KDM3A: variants seen among roughly 807,000 people sequenced by gnomAD.
The protein encoded by KDM3A is lysine demethylase 3A.
KDM3A carries 60 observed loss-of-function variants against 158.0 expected under a neutral mutation model. The observed-to-expected ratio is 0.38, with a 90% CI of 0.31 to 0.47. The LOEUF (loss-of-function observed/expected upper bound fraction) is 0.47, where lower values mean the gene tolerates loss of function less well. KDM3A is among the 20% of genes least tolerant of loss of function. KDM3A has a pLI of 0.99. For missense variants in KDM3A, 1,319 were observed against 1,574.3 expected, an observed-to-expected ratio of 0.84 and a Z score of 2.74; for synonymous variants, 608 against 549.3, an observed-to-expected ratio of 1.11 and a Z score of -1.49.
chr2:86,439,110 G>T (rs12714184), upstream of KDM3A, among the ~76,000 whole-genome samples: 60,415 of 151,772 alleles, frequency 0.4, 13,892 homozygotes, highest in East Asian at 0.81. Context: ...AAAATTATGG[G>T]TGGTATTGAA....
rs767686779 is a variant in KDM3A, at chr2:86,464,044, A to T, written c.844-9A>T. ...TCCTTTTAATATCTGTTGGTTTGGT[A>T]TCTTCTAGGCCTCTCCCAGTATGTG... On this transcript the variant is annotated splice_polypyrimidine_tract_variant and intron_variant, in intron 8 of 25. Transcript: ENST00000312912. 1 of 1,508,876 alleles carries T rather than the reference A, an allele frequency of 6.6e-7. No homozygotes were observed. The highest frequency in any genetic ancestry group is 2.1e-5 in the Admixed American group (1 of 47,294). 93.5% of individuals were successfully genotyped at this position (1,508,876 alleles called of 1,614,324 possible).
At chr2:86,440,336 GTTC>G (rs772986698), upstream of KDM3A, among the ~76,000 whole-genome samples, 10 of 152,176 alleles carry the variant, frequency 6.6e-5, no homozygotes, top group Non-Finnish European at 1.0e-4. Flanking sequence ...GGAGGCATGA[GTTC>G]TTCTTAAGGA....
In KDM3A at chr2:86,466,464, G is replaced by T. The variant is rs761363467; in HGVS notation, c.1100G>T (p.Gly367Val). The change falls in exon 10 of 26, where the codon GGG becomes GTG. Residue 367 changes from glycine to valine, a missense_variant. Coordinates refer to ENST00000312912, the MANE Select transcript of KDM3A (RefSeq NM_018433.6). Reference sequence around the variant, plus strand: ...ACAAAACCAGATGTCTGCAAAGCAGGGTTGCTCTCAAAGTCCTCTCAGATT... The same window carrying T: ...ACAAAACCAGATGTCTGCAAAGCAGTGTTGCTCTCAAAGTCCTCTCAGATT... ...LRTKPDVCKA[G>V]LLSKSSQIGT... 1.9e-6 allele frequency: 3 copies of T among 1,613,814 alleles called. No homozygotes were observed. Among genetic ancestry groups the T allele is most frequent in the Non-Finnish European group, 2.5e-6 (3 of 1,179,820 alleles).
chr2:86,465,678 G>A (rs932449802), intron 9 of KDM3A, among the ~76,000 whole-genome samples: 4 of 152,012 alleles, frequency 2.6e-5, no homozygotes, highest in Non-Finnish European at 5.9e-5. Context: ...CAGAATCCTG[G>A]GATTACAGGT....
At chr2:86,491,422 C>CTA in intron 25 of KDM3A, 147 bp downstream of exon 25, 1 of 718,746 alleles carries the variant, frequency 1.4e-6, no homozygotes, top group Non-Finnish European at 2.3e-6. Flanking sequence ...TCTAGTACTA[C>CTA]TATCTACTTA....
chr2:86,470,380 G>A lies in KDM3A; in HGVS notation c.1696G>A (p.Val566Met). The A allele has an allele frequency of 6.2e-7, 1 of 1,614,048 alleles. No individual in the cohort carries two copies. The highest frequency in any genetic ancestry group is 8.5e-7 in the Non-Finnish European group (1 of 1,179,932). Reference protein sequence around the residue: ...KDKEQQKDSPVFCRFFHFRRL... With the variant: ...KDKEQQKDSPMFCRFFHFRRL... ...TAAGGAGCAACAGAAGGACTCACCT[G>A]TGTTTTGCCGCTTCTTTCACTTCAG... The change falls in exon 11 of 26, where the codon GTG becomes ATG. Residue 566 changes from valine (V) to methionine (M), a missense_variant. Physicochemically the swap from Val to Met is conservative, Grantham distance 21. This residue lies in a region of KDM3A where 113 missense variants were observed against 190.5 expected (regional missense o/e 0.59). Coordinates refer to ENST00000312912, the MANE Select transcript of KDM3A (RefSeq NM_018433.6).
At chr2:86,469,105 G>C (rs930600524) in intron 10 of KDM3A, among the ~76,000 whole-genome samples, 1 of 152,140 alleles carries the variant, frequency 6.6e-6, no homozygotes, top group East Asian at 1.9e-4. Context: ...AACTGAGTAG[G>C]AGTGTTTAAG....
At chr2:86,489,875 A>G (rs1037462821) in intron 23 of KDM3A, 2 of 451,530 alleles carry the variant, frequency 4.4e-6, no homozygotes, top group African/African-American at 4.0e-5. Context: ...CTTGTCTTTT[A>G]TGTCTGTGTT....
chr2:86,479,503 TAAG>T (rs763275119), intron 15 of KDM3A: 2 of 152,144 alleles, frequency 1.3e-5, no homozygotes, highest in Non-Finnish European at 2.9e-5. Flanking sequence ...AATATAGAAA[TAAG>T]AAGCAATATT....
chr2:86,450,995 A>G, intron 3 of KDM3A, 108 bp from the exon 4 acceptor site: 1 of 641,506 alleles, frequency 1.6e-6, no homozygotes, highest in Non-Finnish European at 2.7e-6. Flanking sequence ...GTAAATAAAA[A>G]AAATTAGTGG....
chr2:86,447,139 T>C (rs1301681404), intron 2 of KDM3A, among the ~76,000 whole-genome samples: 1 of 152,224 alleles, frequency 6.6e-6, no homozygotes, highest in Non-Finnish European at 1.5e-5. Context: ...TAGGAAACTT[T>C]TGAACAATAT....
intron 12 of KDM3A, 40 bp from the exon 13 acceptor site, chr2:86,477,837 C>T (rs374400208): frequency 1.9e-6 from 3 of 1,547,986 alleles, no homozygotes; most frequent in East Asian, 4.5e-5. Context: ...TTCAGAAGCC[C>T]TCTCCTTCCA....
chr2:86,478,277 G>A lies in KDM3A; in HGVS notation c.2188+12G>A. 3 of 1,580,052 alleles carry A rather than the reference G, an allele frequency of 1.9e-6. No homozygotes were observed. The highest frequency in any genetic ancestry group is 2.6e-6 in the Non-Finnish European group (3 of 1,149,814). On this transcript the variant is annotated intron_variant, in intron 14 of 25. Coordinates refer to ENST00000312912, the MANE Select transcript of KDM3A (RefSeq NM_018433.6). ...CATTCCTGGAAAAGGTATTTCATGT[G>A]CTGCAGTGATTTTCTTTCCCCTTGT...
chr2:86,483,567 C>T (rs1430509420), intron 18 of KDM3A: 1 of 153,276 alleles, frequency 6.5e-6, no homozygotes, highest in Admixed American at 6.5e-5. Flanking sequence ...CACCCTCACA[C>T]AGCCAGTAGT....
chr2:86,471,532 T>C (rs1263407685), intron 11 of KDM3A, among the ~76,000 whole-genome samples: 7 of 152,158 alleles, frequency 4.6e-5, no homozygotes, highest in Admixed American at 2.0e-4. Context: ...CTCAGAAATC[T>C]AGGTACTTTC....
At chr2:86,468,890 T>G (rs1272750884) in intron 10 of KDM3A, among the ~76,000 whole-genome samples, 1 of 152,210 alleles carries the variant, frequency 6.6e-6, no homozygotes, top group Non-Finnish European at 1.5e-5. Flanking sequence ...AGAGCTAGAT[T>G]TAGACAGTTC....
chr2:86,481,863 T>C, intron 16 of KDM3A, 67 bp from the exon 17 acceptor site: 1 of 1,230,910 alleles, frequency 8.1e-7, no homozygotes, highest in Non-Finnish European at 1.2e-6. Context: ...ATTCTGCTAG[T>C]AGAATACTAA....
chr2:86,489,040 G>C, intron 21 of KDM3A: 2 of 338,126 alleles, frequency 5.9e-6, no homozygotes, highest in Non-Finnish European at 1.1e-5. Flanking sequence ...ATCAAAGCCT[G>C]AGCTCACTTG....
At chr2:86,444,884 T>C (rs1682892631) in intron 2 of KDM3A, among the ~76,000 whole-genome samples, 2 of 152,140 alleles carry the variant, frequency 1.3e-5, no homozygotes, top group Non-Finnish European at 2.9e-5. Flanking sequence ...GTCTAGTAGT[T>C]GGTTACAGAG....
Sources: allele counts gnomAD v4.1 joint callset (sites outside exome capture counted in the v4.1 genomes callset), GRCh38; gene constraint gnomAD v4.1.1; regional missense constraint gnomAD v4.1.1; transcripts MANE v1.5; gene names NCBI Gene and HGNC (gene_info 2026-07-23, HGNC 2026-07-21).